Variants in RSU1 observed in about 807,000 individuals in gnomAD.
RSU1 encodes the protein rsu-1.
In RSU1, 26 loss-of-function variants were observed where a neutral mutation model predicts 31.1. The observed-to-expected ratio is 0.84, with a 90% CI of 0.61 to 1.16. The LOEUF is 1.16. Among genes scored for constraint, RSU1 ranks in the 50% most tolerant of loss-of-function variants. The pLI is 0.00. For missense variants in RSU1, 320 were observed against 339.1 expected, an observed-to-expected ratio of 0.94 and a Z score of 0.44; for synonymous variants, 164 against 136.3, an observed-to-expected ratio of 1.20 and a Z score of -1.41.
At chr10:16,732,249 T>C (rs763111984) in intron 7 of RSU1, among the ~76,000 whole-genome samples, 19 of 152,242 alleles carry the variant, frequency 1.2e-4, no homozygotes, top group Non-Finnish European at 2.4e-4. Flanking sequence ...CTTACCATTG[T>C]TGATTCTGCT....
At chr10:16,620,465 G>C (rs1001236609) in intron 8 of RSU1, among the ~76,000 whole-genome samples, 1 of 151,640 alleles carries the variant, frequency 6.6e-6, no homozygotes, top group African/African-American at 2.4e-5. Flanking sequence ...TACAGTGGGG[G>C]AACCAGATGT....
rs185744208 is a variant in RSU1, at chr10:16,736,623, A to C, written c.598+15916T>G. On this transcript the variant is annotated intron_variant, in intron 7 of 8. Transcript: ENST00000345264. ...TATTCTTAATGTCTACGATACAGTA[A>C]AAACCAAAAACCAAAAAACAAAAAA... 1.2e-4 allele frequency among the ~76,000 whole-genome samples: 18 copies of C among 152,288 alleles called. 1 individual carries two copies. The highest frequency in any genetic ancestry group is 3.4e-3 in the Middle Eastern group (1 of 294).
intron 7 of RSU1, among the ~76,000 whole-genome samples, chr10:16,713,895 T>C (rs1458678031): frequency 6.6e-6 from 1 of 152,174 alleles, no homozygotes; most frequent in Admixed American, 6.5e-5. Context: ...GTGAGTTAGC[T>C]TTAGTTCTGG....
chr10:16,643,408 T>C (rs143689871), intron 8 of RSU1, among the ~76,000 whole-genome samples: 2 of 152,316 alleles, frequency 1.3e-5, no homozygotes, highest in African/African-American at 4.8e-5. Flanking sequence ...CTTAGTACTT[T>C]GTGGGCAGAA....
intron 2 of RSU1, among the ~76,000 whole-genome samples, chr10:16,814,798 C>T (rs761299057): frequency 6.6e-6 from 1 of 151,426 alleles, no homozygotes; most frequent in African/African-American, 2.4e-5. Flanking sequence ...TTTTCACCAC[C>T]CAATGTTATA....
chr10:16,691,722 C>CTTTT (rs58786188), intron 8 of RSU1, among the ~76,000 whole-genome samples: 1 of 106,070 alleles, frequency 9.4e-6, no homozygotes, highest in Non-Finnish European at 1.8e-5. Context: ...GCTGCTGCTT[C>CTTTT]TTTTTTTTTT....
chr10:16,722,821 T>C (rs770443238), intron 7 of RSU1, among the ~76,000 whole-genome samples: 6 of 148,384 alleles, frequency 4.0e-5, no homozygotes, highest in East Asian at 2.0e-4. Context: ...CATATATACA[T>C]GTATACAGCC....
chr10:16,633,538 C>A (rs1333678223), intron 8 of RSU1, among the ~76,000 whole-genome samples: 2 of 152,130 alleles, frequency 1.3e-5, no homozygotes, highest in Non-Finnish European at 2.9e-5. Flanking sequence ...TTATTCAGCA[C>A]TGGTGTGGTG....
chr10:16,785,451 CATAT>C (rs1379402403), intron 2 of RSU1, among the ~76,000 whole-genome samples: 1 of 138,588 alleles, frequency 7.2e-6, no homozygotes. Flanking sequence ...CACATATATA[CATAT>C]ATACATATAT....
chr10:16,603,066 T>A (rs1833739038), intron 8 of RSU1, among the ~76,000 whole-genome samples: 1 of 152,144 alleles, frequency 6.6e-6, no homozygotes, highest in African/African-American at 2.4e-5. Context: ...AGATCAAACC[T>A]CCAAGAGATG....
chr10:16,619,391 G>T (rs573717569), intron 8 of RSU1, among the ~76,000 whole-genome samples: 2 of 152,334 alleles, frequency 1.3e-5, no homozygotes, highest in East Asian at 3.9e-4. Flanking sequence ...CCTCTGTGAT[G>T]TCAACGGGAA....
At chr10:16,776,824 A>C (rs2131641799) in intron 3 of RSU1, among the ~76,000 whole-genome samples, 1 of 151,986 alleles carries the variant, frequency 6.6e-6, no homozygotes, top group East Asian at 1.9e-4. Context: ...AAAAAAAAAA[A>C]ACTACTGCCG....
At chr10:16,776,681 A>G (rs1190272405) in intron 3 of RSU1, among the ~76,000 whole-genome samples, 1 of 152,108 alleles carries the variant, frequency 6.6e-6, no homozygotes, top group African/African-American at 2.4e-5. Flanking sequence ...TCAGAGACCC[A>G]CACTTTTGAA....
At chr10:16,801,220 C>G (rs1423159084) in intron 2 of RSU1, among the ~76,000 whole-genome samples, 6 of 151,260 alleles carry the variant, frequency 4.0e-5, no homozygotes, top group African/African-American at 1.5e-4. Context: ...AAACGCTAAA[C>G]AAAAAAAGCT....
Position 16,695,171 on chromosome 10 carries a change from A to AGGGGGG in RSU1, c.599-17_599-16insCCCCCC, listed in dbSNP as rs769563196. On this transcript the variant is annotated splice_polypyrimidine_tract_variant and intron_variant, in intron 7 of 8. Transcript: ENST00000345264. ...TCCAAGTTTCCTGGGGGGGGGGAAA[A>AGGGGGG]AAAAAGTGAAGGTCACTTCATCCAA... 11 of 1,519,232 alleles carry AGGGGGG rather than the reference A, an allele frequency of 7.2e-6. No individual in the cohort carries two copies. Among genetic ancestry groups the AGGGGGG allele is most frequent in the African/African-American group, 6.0e-5 (4 of 66,976 alleles). 94.1% of individuals were successfully genotyped at this position (1,519,232 alleles called of 1,614,324 possible).
intron 7 of RSU1, among the ~76,000 whole-genome samples, chr10:16,704,901 T>G (rs1240320022): frequency 1.3e-5 from 2 of 152,228 alleles, no homozygotes; most frequent in African/African-American, 4.8e-5. Flanking sequence ...TCATGATTTT[T>G]AAGGGTATGG....
chr10:16,794,123 C>T (rs1837980274), intron 2 of RSU1, among the ~76,000 whole-genome samples: 1 of 152,176 alleles, frequency 6.6e-6, no homozygotes, highest in African/African-American at 2.4e-5. Flanking sequence ...ACACGCACCC[C>T]TCCTATGACT....
intron 8 of RSU1, among the ~76,000 whole-genome samples, chr10:16,601,609 A>G (rs1034525690): frequency 6.6e-6 from 1 of 152,138 alleles, no homozygotes; most frequent in African/African-American, 2.4e-5. Flanking sequence ...TGTCCTACAC[A>G]GGATGTCTGA....
chr10:16,683,845 C>T (rs1264142463), intron 8 of RSU1, among the ~76,000 whole-genome samples: 1 of 152,208 alleles, frequency 6.6e-6, no homozygotes, highest in African/African-American at 2.4e-5. Flanking sequence ...AATTCAACTT[C>T]AATTCAATTG....
Sources: allele counts gnomAD v4.1 joint callset (sites outside exome capture counted in the v4.1 genomes callset), GRCh38; gene constraint gnomAD v4.1.1; transcripts MANE v1.5; gene names NCBI Gene and HGNC (gene_info 2026-07-23, HGNC 2026-07-21).